CPQ: variants seen among roughly 807,000 people sequenced by gnomAD.
CPQ encodes the protein Ser-Met dipeptidase.
Under a neutral mutation model 45.7 loss-of-function variants are expected in CPQ, and 37 were observed. The ratio of observed to expected loss-of-function variants is 0.81; its 90% confidence interval spans 0.62 to 1.07. The LOEUF (loss-of-function observed/expected upper bound fraction) is 1.07. Among genes scored for constraint, CPQ ranks in the 50% least tolerant of loss-of-function variants. The pLI is 0.00. For missense variants in CPQ, 537 were observed against 572.9 expected (o/e 0.94, Z 0.64); for synonymous variants, 186 against 205.8 (o/e 0.90, Z 0.82).
At chr8:96,760,725 G>C (rs1277823613) in intron 1 of CPQ, among the ~76,000 whole-genome samples, 2 of 152,142 alleles carry the variant, frequency 1.3e-5, no homozygotes, top group African/African-American at 4.8e-5. Context: ...AATGCCAGCA[G>C]CCTTCAACTG....
At chr8:96,869,785 C>T (rs1259616910) in intron 3 of CPQ, among the ~76,000 whole-genome samples, 1 of 152,004 alleles carries the variant, frequency 6.6e-6, no homozygotes, top group Non-Finnish European at 1.5e-5. Context: ...TCTGTTTTAG[C>T]AAGACTTCCA....
At chr8:96,725,097 A>T (rs951153785) in intron 1 of CPQ, among the ~76,000 whole-genome samples, 1 of 152,216 alleles carries the variant, frequency 6.6e-6, no homozygotes, top group African/African-American at 2.4e-5. Context: ...TGGATTAAAG[A>T]CTTAAATATA....
At chr8:96,937,570 A>T (rs1204365224) in intron 4 of CPQ, among the ~76,000 whole-genome samples, 1 of 152,182 alleles carries the variant, frequency 6.6e-6, no homozygotes, top group Non-Finnish European at 1.5e-5. Context: ...AGACACTTGT[A>T]TGAACATGGT....
chr8:96,798,643 C>A (rs1431276270), intron 2 of CPQ, among the ~76,000 whole-genome samples: 1 of 151,960 alleles, frequency 6.6e-6, no homozygotes, highest in Non-Finnish European at 1.5e-5. Flanking sequence ...CTAACCCTAA[C>A]CCTGACCTTA....
chr8:97,035,576 A>T (rs10955095), intron 6 of CPQ, among the ~76,000 whole-genome samples: 19,666 of 152,152 alleles, frequency 0.13, 3,059 homozygotes, highest in African/African-American at 0.37. Flanking sequence ...TTATGTGTTT[A>T]TATTTTTCAA....
At chr8:96,679,164 G>T (rs1017784803) in intron 1 of CPQ, among the ~76,000 whole-genome samples, 6 of 151,900 alleles carry the variant, frequency 3.9e-5, no homozygotes, top group African/African-American at 1.2e-4. Context: ...CTTTTTCTAT[G>T]TCTACTGAGA....
chr8:96,671,241 C>T (rs112679774), intron 1 of CPQ, among the ~76,000 whole-genome samples: 3,712 of 152,222 alleles, frequency 0.024, 164 homozygotes, highest in African/African-American at 0.084. Context: ...ATTCCTGCTT[C>T]GTTCTCAGCA....
chr8:96,988,832 A>C (rs1226807470), intron 5 of CPQ, among the ~76,000 whole-genome samples: 1 of 152,218 alleles, frequency 6.6e-6, no homozygotes. Flanking sequence ...CAGATTCTTA[A>C]ATGCTTTCCC....
At chr8:96,733,026 GTATACTCA>G (rs1156528774) in intron 1 of CPQ, among the ~76,000 whole-genome samples, 2 of 152,122 alleles carry the variant, frequency 1.3e-5, no homozygotes, top group African/African-American at 2.4e-5. Flanking sequence ...CCTGATATGA[GTATACTCA>G]TTTCAAAAGG....
At chr8:96,699,721 A>C (rs1318082495) in intron 1 of CPQ, among the ~76,000 whole-genome samples, 1 of 152,066 alleles carries the variant, frequency 6.6e-6, no homozygotes, top group Non-Finnish European at 1.5e-5. Context: ...TATGGTACTG[A>C]GGGCCCAAGC....
intron 1 of CPQ, among the ~76,000 whole-genome samples, chr8:96,713,987 G>A (rs1047573875): frequency 1.3e-5 from 2 of 152,144 alleles, no homozygotes; most frequent in Non-Finnish European, 2.9e-5. Context: ...GGCTTGTAAG[G>A]TTTCTGCTGA....
At chr8:97,100,850 G>A (rs1410147017) in intron 7 of CPQ, among the ~76,000 whole-genome samples, 1 of 152,088 alleles carries the variant, frequency 6.6e-6, no homozygotes, top group Admixed American at 6.6e-5. Flanking sequence ...GAAATCTAGT[G>A]ATTGATTGTT....
chr8:97,032,821 A>G (rs1206463312), intron 6 of CPQ, among the ~76,000 whole-genome samples: 1 of 152,254 alleles, frequency 6.6e-6, no homozygotes, highest in East Asian at 1.9e-4. Context: ...ATGCACACAT[A>G]AGAAAGTTAG....
At chr8:96,663,226 G>A (rs1003824879) in intron 1 of CPQ, among the ~76,000 whole-genome samples, 2 of 152,192 alleles carry the variant, frequency 1.3e-5, no homozygotes, top group African/African-American at 4.8e-5. Context: ...GTGGAGCCCA[G>A]CAGAATAATG....
At chr8:96,988,079 T>G (rs1281521755) in intron 5 of CPQ, among the ~76,000 whole-genome samples, 1 of 152,210 alleles carries the variant, frequency 6.6e-6, no homozygotes. Context: ...CAGACACTTT[T>G]TGTTGTTTTT....
chr8:96,725,412 C>T (rs1391497079), intron 1 of CPQ, among the ~76,000 whole-genome samples: 3 of 151,990 alleles, frequency 2.0e-5, no homozygotes, highest in African/African-American at 4.8e-5. Context: ...CTCATTAAAA[C>T]GTGGGCAAAG....
intron 1 of CPQ, among the ~76,000 whole-genome samples, chr8:96,766,358 C>G (rs1810467131): frequency 6.6e-6 from 1 of 152,052 alleles, no homozygotes; most frequent in South Asian, 2.1e-4. Flanking sequence ...GTTTATCTTC[C>G]TGCTTCTAGT....
rs547503041 is a variant in CPQ at position 96,903,634 on chromosome 8, C to G, written c.849+23629C>G. On this transcript the variant is annotated intron_variant, in intron 4 of 7. Transcript: ENST00000220763. ...ATGCTAAGTGCTTTATGTATATTTT[C>G]TCATTTATTCCTTTGAGGTAGAAAA... Among the ~76,000 whole-genome samples the G allele has an allele frequency of 2.0e-5, 3 of 152,222 alleles. No homozygotes were observed. The East Asian group carries it at 5.8e-4, about 29-fold the overall frequency.
intron 2 of CPQ, among the ~76,000 whole-genome samples, chr8:96,820,487 G>A (rs117061255): frequency 1.3e-4 from 20 of 151,406 alleles, no homozygotes; most frequent in Non-Finnish European, 2.7e-4. Flanking sequence ...CCCCTTCCTG[G>A]CCTCTGATAA....
Sources: allele counts gnomAD v4.1 joint callset (sites outside exome capture counted in the v4.1 genomes callset), GRCh38; gene constraint gnomAD v4.1.1; transcripts MANE v1.5; gene names NCBI Gene and HGNC (gene_info 2026-07-23, HGNC 2026-07-21).